The following PLEKHA5 variants were observed in gnomAD, a reference collection of about 807,000 sequenced individuals.
PLEKHA5 encodes the protein pleckstrin homology domain-containing family A member 5.
Under a neutral mutation model 181.9 loss-of-function variants are expected in PLEKHA5, and 55 were observed. The ratio of observed to expected loss-of-function variants is 0.30; its 90% confidence interval spans 0.24 to 0.38. PLEKHA5 has a LOEUF of 0.38. Among genes scored for constraint, PLEKHA5 ranks in the 10% least tolerant of loss-of-function variants. The pLI is 1.00. For missense variants in PLEKHA5, 1,432 were observed against 1,549.5 expected (o/e 0.92, Z 1.27); for synonymous variants, 535 against 529.4 (o/e 1.01, Z -0.15).
At chr12:19,195,321 A>G (rs2052386507) in intron 3 of PLEKHA5, among the ~76,000 whole-genome samples, 1 of 151,322 alleles carries the variant, frequency 6.6e-6, no homozygotes, top group Non-Finnish European at 1.5e-5. Context: ...TTTCTTTTTA[A>G]TTGTTAATTA....
chr12:19,283,929 C>CT (rs1201779428), intron 12 of PLEKHA5, among the ~76,000 whole-genome samples, 184 bp downstream of exon 12: 1 of 151,940 alleles, frequency 6.6e-6, no homozygotes, highest in Non-Finnish European at 1.5e-5. Context: ...TAAAAAATAC[C>CT]TAATTGCAAC....
intron 11 of PLEKHA5, among the ~76,000 whole-genome samples, chr12:19,277,071 A>G (rs146110440): frequency 6.6e-6 from 1 of 152,214 alleles, no homozygotes; most frequent in Non-Finnish European, 1.5e-5. Flanking sequence ...GGAATGACAG[A>G]CATGAATAAG....
intron 3 of PLEKHA5, among the ~76,000 whole-genome samples, chr12:19,229,135 TG>T (rs1305990857): frequency 1.3e-5 from 2 of 152,158 alleles, no homozygotes; most frequent in African/African-American, 4.8e-5. Context: ...AGCAGAGAAA[TG>T]TTTAGTTTGT....
chr12:19,359,521 C>G lies in PLEKHA5; in HGVS notation c.3458C>G (p.Pro1153Arg). ...ATTGTTCAACTAAAAGAAACCGAAC[C>G]CCAAAATGTGGACTTCAGCAAAGAG... ...TEIVQLKETE[P>R]QNVDFSKELK... Residue 1153 changes from proline to arginine, a missense_variant, in exon 28 of 32, where the codon CCC becomes CGC. Physicochemically the swap from Pro to Arg is moderately radical, Grantham distance 103 (BLOSUM62 -2). Around this residue, in one of 2 missense-constraint regions of PLEKHA5, gnomAD observed 1,143 missense variants for 1,168.4 expected, o/e 0.98. Transcript: ENST00000429027. The G allele has an allele frequency of 6.2e-7, 1 of 1,613,812 alleles. No homozygotes were observed. The highest frequency in any genetic ancestry group is 8.5e-7 in the Non-Finnish European group (1 of 1,179,894).
intron 26 of PLEKHA5, among the ~76,000 whole-genome samples, chr12:19,357,362 A>G (rs1204633432): frequency 6.7e-6 from 1 of 149,594 alleles, no homozygotes; most frequent in Non-Finnish European, 1.5e-5. Flanking sequence ...CTCCCACCTC[A>G]GCCTCCCGAG....
intron 24 of PLEKHA5, among the ~76,000 whole-genome samples, 185 bp downstream of exon 24, chr12:19,347,367 C>T (rs2094386542): frequency 6.6e-6 from 1 of 151,570 alleles, no homozygotes; most frequent in Non-Finnish European, 1.5e-5. Flanking sequence ...TTGCTATTCT[C>T]ATTTTTAATA....
rs113172890 is a variant in PLEKHA5, at chr12:19,364,015, T to A, written c.3609-1949T>A. Among the ~76,000 whole-genome samples, 403 of 152,310 alleles carry A rather than the reference T, an allele frequency of 2.6e-3. 2 individuals are homozygous for A. Among genetic ancestry groups the A allele is most frequent in the African/African-American group, 9.3e-3 (387 of 41,578 alleles). On this transcript the variant is annotated intron_variant, in intron 29 of 31. Coordinates refer to ENST00000429027, the MANE Select transcript of PLEKHA5 (RefSeq NM_001256470.2). ...AGATTAAAACACAGTATATTAAAAA[T>A]TGATGAGTTCATAATGATACAACAA...
intron 24 of PLEKHA5, among the ~76,000 whole-genome samples, chr12:19,348,139 T>A (rs556424514): frequency 6.6e-6 from 1 of 152,264 alleles, no homozygotes; most frequent in Non-Finnish European, 1.5e-5. Flanking sequence ...CACCTTGGCC[T>A]CCCAAAGTGC....
intron 20 of PLEKHA5, among the ~76,000 whole-genome samples, chr12:19,331,761 A>T (rs1032808930): frequency 6.6e-6 from 1 of 152,112 alleles, no homozygotes; most frequent in African/African-American, 2.4e-5. Context: ...GCTGGCTCCT[A>T]TGTGTAATCC....
intron 3 of PLEKHA5, among the ~76,000 whole-genome samples, chr12:19,185,149 T>G (rs997993231): frequency 1.3e-4 from 20 of 152,226 alleles, no homozygotes; most frequent in African/African-American, 4.8e-4. Flanking sequence ...TTAATGGACC[T>G]CTTTGAAACT....
chr12:19,199,944 A>G (rs1035724987), intron 3 of PLEKHA5, among the ~76,000 whole-genome samples: 3 of 152,120 alleles, frequency 2.0e-5, no homozygotes, highest in Admixed American at 1.3e-4. Flanking sequence ...AAAAAAATGA[A>G]TATCATGGAG....
At chr12:19,201,703 G>A (rs1229887654) in intron 3 of PLEKHA5, 3 of 152,176 alleles carry the variant, frequency 2.0e-5, no homozygotes, top group African/African-American at 7.2e-5. Flanking sequence ...GCCTAAAAGA[G>A]CCAGACACAG....
At chr12:19,339,594 T>C (rs2093703455) in intron 21 of PLEKHA5, among the ~76,000 whole-genome samples, 1 of 152,164 alleles carries the variant, frequency 6.6e-6, no homozygotes, top group African/African-American at 2.4e-5. Context: ...GCAATTTTAT[T>C]CCAACCAAAT....
At chr12:19,153,014 T>G (rs1416920639) in intron 3 of PLEKHA5, 3 of 150,886 alleles carry the variant, frequency 2.0e-5, no homozygotes, top group Non-Finnish European at 4.4e-5. Flanking sequence ...TTTTTTTTGT[T>G]GTTTTTAATT....
chr12:19,359,402 T>G lies in PLEKHA5; in HGVS notation c.3349-10T>G. The G allele has an allele frequency of 6.2e-7, 1 of 1,611,726 alleles. No homozygotes were observed. Among genetic ancestry groups the G allele is most frequent in the Middle Eastern group, 1.7e-4 (1 of 6,046 alleles). ...TATGAGTATAAAAATGCTATATGTC[T>G]TTTGAGCAGACTCGAAGGAGGGATG... On this transcript the variant is annotated splice_polypyrimidine_tract_variant and intron_variant, in intron 27 of 31. Coordinates refer to ENST00000429027, the MANE Select transcript of PLEKHA5 (RefSeq NM_001256470.2).
chr12:19,339,288 G>A (rs1056428037), intron 21 of PLEKHA5, among the ~76,000 whole-genome samples: 11 of 152,000 alleles, frequency 7.2e-5, no homozygotes, highest in African/African-American at 1.2e-4. Context: ...TGATCTGCCC[G>A]CCTTGGCCTC....
chr12:19,358,043 A>G (rs2153229335), intron 26 of PLEKHA5, among the ~76,000 whole-genome samples, 185 bp from the exon 27 acceptor site: 1 of 152,150 alleles, frequency 6.6e-6, no homozygotes, highest in Admixed American at 6.6e-5. Context: ...ATACATCACC[A>G]ATTACTAGTT....
intron 29 of PLEKHA5, among the ~76,000 whole-genome samples, chr12:19,365,126 C>T (rs971884121): frequency 6.6e-6 from 1 of 152,060 alleles, no homozygotes; most frequent in African/African-American, 2.4e-5. Context: ...AATCCCACCA[C>T]TTTGGGAGGC....
chr12:19,265,967 A>G (rs952084086), intron 8 of PLEKHA5, 117 bp downstream of exon 8: 5 of 503,164 alleles, frequency 9.9e-6, no homozygotes, highest in African/African-American at 6.0e-5. Flanking sequence ...TATTTAAAAT[A>G]TATTAATTAA....
Sources: allele counts gnomAD v4.1 joint callset (sites outside exome capture counted in the v4.1 genomes callset), GRCh38; gene constraint gnomAD v4.1.1; regional missense constraint gnomAD v4.1.1; transcripts MANE v1.5; gene names NCBI Gene and HGNC (gene_info 2026-07-23, HGNC 2026-07-21).